SUGCT: variants seen among roughly 807,000 people sequenced by gnomAD.
The protein encoded by SUGCT is succinyl-CoA:glutarate CoA-transferase.
A neutral mutation model predicts 55.0 loss-of-function variants in SUGCT; 41 were observed. The ratio of observed to expected loss-of-function variants is 0.74; its 90% confidence interval spans 0.58 to 0.97. SUGCT has a LOEUF of 0.97. Among genes scored for constraint, SUGCT ranks in the 50% least tolerant of loss-of-function variants. The pLI is 0.00. For synonymous variants in SUGCT, 187 were observed against 200.4 expected (o/e 0.93, Z 0.56); for missense variants, 568 against 547.8 (o/e 1.04, Z -0.37).
At chr7:40,503,082 A>G (rs1562822304) in intron 12 of SUGCT, among the ~76,000 whole-genome samples, 1 of 152,116 alleles carries the variant, frequency 6.6e-6, no homozygotes, top group African/African-American at 2.4e-5. Flanking sequence ...TCATACAAAT[A>G]ATGTCAGATT....
chr7:40,820,871 G>A (rs932504641), intron 13 of SUGCT, among the ~76,000 whole-genome samples: 13 of 152,152 alleles, frequency 8.5e-5, no homozygotes, highest in East Asian at 3.9e-4. Context: ...TCCCATTTTC[G>A]CCCATTCAGT....
chr7:40,730,425 A>T (rs7790459), intron 12 of SUGCT, among the ~76,000 whole-genome samples: 11,492 of 152,194 alleles, frequency 0.076, 886 homozygotes, highest in East Asian at 0.3. Context: ...TTTTTTAATG[A>T]CAAATAATAA....
the SUGCT span, among the ~76,000 whole-genome samples, chr7:40,928,078 C>A: frequency 9.6e-4 from 146 of 151,768 alleles, no homozygotes; most frequent in African/African-American, 3.3e-3. Context: ...CTAAAATTTC[C>A]CAAAGATATG....
intron 7 of SUGCT, among the ~76,000 whole-genome samples, chr7:40,245,591 C>G (rs188134778): frequency 1.3e-5 from 2 of 148,878 alleles, no homozygotes; most frequent in East Asian, 2.0e-4. Context: ...AGGGGCCCAC[C>G]ACCACGCCCG....
At chr7:40,298,864 G>A (rs1490841370) in intron 8 of SUGCT, among the ~76,000 whole-genome samples, 1 of 151,818 alleles carries the variant, frequency 6.6e-6, no homozygotes, top group Non-Finnish European at 1.5e-5. Flanking sequence ...AAAAGTTCCA[G>A]GTTTTATAGT....
intron 13 of SUGCT, among the ~76,000 whole-genome samples, chr7:40,756,379 A>C (rs1788253798): frequency 6.6e-6 from 1 of 152,208 alleles, no homozygotes; most frequent in African/African-American, 2.4e-5. Context: ...AAGCTCTCTG[A>C]TAACAATTTA....
At chr7:40,164,196 T>C (rs1584231314) in intron 1 of SUGCT, among the ~76,000 whole-genome samples, 1 of 151,594 alleles carries the variant, frequency 6.6e-6, no homozygotes, top group East Asian at 1.9e-4. Context: ...CAATATTGGC[T>C]TGCTTACTGC....
At chr7:40,358,662 C>A (rs1583501521) in intron 9 of SUGCT, among the ~76,000 whole-genome samples, 1 of 151,764 alleles carries the variant, frequency 6.6e-6, no homozygotes, top group East Asian at 1.9e-4. Context: ...TGTAGTGAGC[C>A]GAAATTGTGC....
At chr7:40,694,738 A>G (rs1784848658) in intron 12 of SUGCT, among the ~76,000 whole-genome samples, 1 of 152,198 alleles carries the variant, frequency 6.6e-6, no homozygotes. Context: ...TTCCTGTTAA[A>G]CAAACTGAAG....
chr7:40,993,535 G>C, the SUGCT span, among the ~76,000 whole-genome samples: 1 of 152,176 alleles, frequency 6.6e-6, no homozygotes, highest in Admixed American at 6.5e-5. Context: ...CTTCATTGTT[G>C]GGTGTTCACA....
At chr7:40,264,487 A>T (rs1791428439) in intron 7 of SUGCT, among the ~76,000 whole-genome samples, 1 of 152,158 alleles carries the variant, frequency 6.6e-6, no homozygotes, top group Non-Finnish European at 1.5e-5. Flanking sequence ...GTATAGTTGC[A>T]GAGTCTGTGC....
intron 1 of SUGCT, among the ~76,000 whole-genome samples, chr7:40,180,404 C>A (rs991934138): frequency 2.0e-5 from 3 of 152,040 alleles, no homozygotes; most frequent in African/African-American, 7.2e-5. Flanking sequence ...AGGCGTGAGC[C>A]ACCATACCTG....
chr7:40,791,963 A>G (rs1455899605), intron 13 of SUGCT, among the ~76,000 whole-genome samples: 1 of 152,012 alleles, frequency 6.6e-6, no homozygotes, highest in East Asian at 1.9e-4. Context: ...TTCTGGGGTA[A>G]CTCCTCCCAC....
chr7:40,606,808 G>C (rs921406498), intron 12 of SUGCT, among the ~76,000 whole-genome samples: 1 of 152,242 alleles, frequency 6.6e-6, no homozygotes, highest in African/African-American at 2.4e-5. Context: ...AGATGAACTT[G>C]ATCTATTTAA....
At chr7:40,228,524 G>GT (rs1026965061) in intron 6 of SUGCT, among the ~76,000 whole-genome samples, 46 of 150,814 alleles carry the variant, frequency 3.1e-4, no homozygotes, top group African/African-American at 1.1e-3. Context: ...TTGTTGTTTT[G>GT]TTTTTTTGGC....
intron 1 of SUGCT, among the ~76,000 whole-genome samples, chr7:40,175,193 T>G (rs1472996761): frequency 6.6e-6 from 1 of 152,090 alleles, no homozygotes; most frequent in African/African-American, 2.4e-5. Context: ...CTAATTGTGT[T>G]CATGGTATCT....
chr7:40,589,495 C>A (rs576998146), intron 12 of SUGCT, among the ~76,000 whole-genome samples: 1 of 152,140 alleles, frequency 6.6e-6, no homozygotes, highest in South Asian at 2.1e-4. Context: ...AGAGAGCAAA[C>A]GGATTCCAGA....
At chr7:40,950,253 T>G in the SUGCT span, among the ~76,000 whole-genome samples, 2 of 152,214 alleles carry the variant, frequency 1.3e-5, no homozygotes, top group African/African-American at 4.8e-5. Context: ...TTTGGCTCTC[T>G]GTTTGTCTGT....
At chr7:40,799,244 A>G (rs1362705753) in intron 13 of SUGCT, among the ~76,000 whole-genome samples, 1 of 151,926 alleles carries the variant, frequency 6.6e-6, no homozygotes, top group Non-Finnish European at 1.5e-5. Context: ...TATTTACCCA[A>G]ACACTCAAAC....
Sources: gnomAD v4.1 joint callset for allele counts (sites outside exome capture counted in the v4.1 genomes callset) on GRCh38, gnomAD v4.1.1 for gene constraint, MANE v1.5 for transcripts, NCBI Gene and HGNC (gene_info 2026-07-23, HGNC 2026-07-21) for gene names.